Variants in SHLD1 observed in about 807,000 individuals in gnomAD.
The protein encoded by SHLD1 is shieldin complex subunit 1.
Under a neutral mutation model 5.5 loss-of-function variants are expected in SHLD1, and 3 were observed. The ratio of observed to expected loss-of-function variants is 0.54; its 90% CI spans 0.25 to 1.40. SHLD1 has a LOEUF of 1.40. Ranked by LOEUF, SHLD1 falls within the 40% of genes most tolerant of loss-of-function variation. The pLI, the probability that SHLD1 is intolerant of heterozygous loss-of-function variation, is 0.15. For missense variants in SHLD1, 210 were observed against 244.4 expected, an observed-to-expected ratio of 0.86 and a Z score of 0.94; for synonymous variants, 92 against 94.3, an observed-to-expected ratio of 0.98 and a Z score of 0.14.
chr20:5,808,202 C>A (rs2087408400), intron 2 of SHLD1, among the ~76,000 whole-genome samples: 1 of 151,510 alleles, frequency 6.6e-6, no homozygotes, highest in East Asian at 1.9e-4. Context: ...ATCCCTTGAA[C>A]CTGGGACACA....
intron 2 of SHLD1, among the ~76,000 whole-genome samples, chr20:5,815,640 T>C (rs2122390813): frequency 6.6e-6 from 1 of 152,338 alleles, no homozygotes; most frequent in Middle Eastern, 3.4e-3. Flanking sequence ...TATCTGGCCC[T>C]ATACAGGAAA....
chr20:5,792,666 GTTTTC>G (rs2087157536), intron 2 of SHLD1, among the ~76,000 whole-genome samples: 1 of 136,056 alleles, frequency 7.3e-6, no homozygotes. Context: ...GTGATCTGCC[GTTTTC>G]TTTTTTTTAA....
At chr20:5,817,958 A>G (rs75626113) in intron 2 of SHLD1, among the ~76,000 whole-genome samples, 4,494 of 152,324 alleles carry the variant, frequency 0.03, 97 homozygotes, top group Non-Finnish European at 0.049. Context: ...GGGCAATTGT[A>G]GGCACATCTT....
rs778754552 is a variant in SHLD1, at chr20:5,803,900, AC to A, written c.178+30858del. Among the ~76,000 whole-genome samples, 753 of 105,698 alleles carry A rather than the reference AC, an allele frequency of 7.1e-3. 4 individuals carry two copies. The highest frequency in any genetic ancestry group is 0.022 in the African/African-American group (675 of 31,172). The allele number at this position is 105,698 out of a possible 152,430, so 69.3% of individuals were successfully genotyped here. A position where few individuals can be genotyped will look rare whatever the true frequency, so the allele number is the denominator to read the frequency against. ...AAATAAAAAAGATTAAAAAAAAAAA[AC>A]AAAACAAGAATGACGAAAGAGCAGG... is the stretch of plus-strand genomic sequence containing the variant. On this transcript the variant is annotated intron_variant, in intron 2 of 2. Coordinates refer to ENST00000303142, the MANE Select transcript of SHLD1 (RefSeq NM_152504.4).
intron 2 of SHLD1, among the ~76,000 whole-genome samples, chr20:5,808,010 G>A (rs151309963): frequency 1.2e-3 from 184 of 152,286 alleles, no homozygotes; most frequent in Middle Eastern, 3.4e-3. Flanking sequence ...GGGCGGGCGC[G>A]GTGGCTCATG....
At chr20:5,847,751 T>C (rs1207987978) in intron 2 of SHLD1, among the ~76,000 whole-genome samples, 2 of 152,206 alleles carry the variant, frequency 1.3e-5, no homozygotes, top group Non-Finnish European at 1.5e-5. Context: ...GGCAAAGATG[T>C]GGAGAAACAG....
intron 2 of SHLD1, among the ~76,000 whole-genome samples, chr20:5,833,394 A>G (rs1027519075): frequency 6.6e-6 from 1 of 152,212 alleles, no homozygotes; most frequent in Non-Finnish European, 1.5e-5. Context: ...GAGGTTGTCC[A>G]TTGGTAAGAA....
intron 2 of SHLD1, 48 bp from the exon 3 acceptor site, chr20:5,862,976 A>T: frequency 6.7e-7 from 1 of 1,496,020 alleles, no homozygotes; most frequent in Non-Finnish European, 9.0e-7. Context: ...TTGCTTTCTG[A>T]TATTTTTGAT....
intron 2 of SHLD1, among the ~76,000 whole-genome samples, chr20:5,817,641 A>C (rs1412835219): frequency 6.6e-6 from 1 of 152,102 alleles, no homozygotes; most frequent in South Asian, 2.1e-4. Flanking sequence ...CTGTCAGAAC[A>C]TGCATGTCTC....
chr20:5,767,341 A>T (rs994032907), intron 1 of SHLD1, among the ~76,000 whole-genome samples: 2 of 151,898 alleles, frequency 1.3e-5, no homozygotes, highest in African/African-American at 4.8e-5. Flanking sequence ...AGGTCTTGCT[A>T]TGTTGCCCAG....
Position 5,863,064 on chromosome 20 carries a change from C to T in SHLD1, c.219C>T (p.Thr73=), listed in dbSNP as rs41282136. Residue 73 remains threonine (T), a synonymous_variant, in exon 3 of 3, where the codon ACC becomes ACT. Transcript: ENST00000303142. ...ATATAGAACAAAATAACTCCTGGACCGCTGAGAACTTCTGGCTTGACCCTG... is the reference window on the plus strand; with the variant it reads ...ATATAGAACAAAATAACTCCTGGACTGCTGAGAACTTCTGGCTTGACCCTG... ...NLNIEQNNSW[T]AENFWLDPAV... The T allele has an allele frequency of 0.041, 65,682 of 1,612,984 alleles. 1,547 individuals are homozygous for T. Among genetic ancestry groups the T allele is most frequent in the Non-Finnish European group, 0.045 (52,675 of 1,179,468 alleles).
chr20:5,798,302 C>T (rs1278665107), intron 2 of SHLD1, among the ~76,000 whole-genome samples: 1 of 94,030 alleles, frequency 1.1e-5, no homozygotes, highest in East Asian at 4.3e-4. Context: ...TAGAAACTCT[C>T]AGTTCTCTTT....
chr20:5,761,987 C>T (rs1984493511), intron 1 of SHLD1, among the ~76,000 whole-genome samples: 1 of 151,578 alleles, frequency 6.6e-6, no homozygotes, highest in African/African-American at 2.4e-5. Context: ...ACAGGTGGCT[C>T]ACACCTGTAA....
At chr20:5,848,796 G>A (rs773153360) in intron 2 of SHLD1, among the ~76,000 whole-genome samples, 6 of 151,618 alleles carry the variant, frequency 4.0e-5, no homozygotes, top group African/African-American at 1.5e-4. Flanking sequence ...TTTTTTTTCC[G>A]GCATTCATTT....
intron 2 of SHLD1, among the ~76,000 whole-genome samples, chr20:5,810,304 T>C (rs1398465025): frequency 2.6e-5 from 4 of 151,748 alleles, no homozygotes; most frequent in Non-Finnish European, 5.9e-5. Flanking sequence ...ACCTTAGACA[T>C]CGAGTAACTA....
intron 2 of SHLD1, among the ~76,000 whole-genome samples, chr20:5,859,846 T>C (rs143527399): frequency 5.8e-4 from 89 of 152,304 alleles, no homozygotes; most frequent in Non-Finnish European, 1.1e-3. Context: ...GCATGAAAAG[T>C]ATAGGAGACA....
intron 2 of SHLD1, among the ~76,000 whole-genome samples, chr20:5,783,582 G>A (rs2087016099): frequency 1.3e-5 from 2 of 152,174 alleles, no homozygotes; most frequent in South Asian, 4.1e-4. Flanking sequence ...TCCAGAATCG[G>A]ATTTTGAGCT....
intron 2 of SHLD1, among the ~76,000 whole-genome samples, chr20:5,837,209 A>T (rs2087799787): frequency 1.3e-5 from 2 of 152,296 alleles, no homozygotes; most frequent in South Asian, 4.1e-4. Flanking sequence ...ATTAGGATAC[A>T]GTTGACTCTT....
intron 1 of SHLD1, among the ~76,000 whole-genome samples, chr20:5,763,306 A>T (rs1015803027): frequency 6.6e-6 from 1 of 150,624 alleles, no homozygotes; most frequent in Non-Finnish European, 1.5e-5. Flanking sequence ...AAAAAAAAAA[A>T]AAAAAAGAAC....
Sources: gnomAD v4.1 joint callset for allele counts (sites outside exome capture counted in the v4.1 genomes callset) on GRCh38, gnomAD v4.1.1 for gene constraint, MANE v1.5 for transcripts, NCBI Gene and HGNC (gene_info 2026-07-23, HGNC 2026-07-21) for gene names.